Variants in CDH13 observed in about 807,000 individuals in gnomAD.
CDH13 encodes cadherin-13.
CDH13 carries 24 observed loss-of-function variants against 63.8 expected under a neutral mutation model. That is an observed-to-expected ratio of 0.38 (90% CI 0.27 to 0.53). The LOEUF (loss-of-function observed/expected upper bound fraction) is 0.53. Ranked by LOEUF, CDH13 falls within the 20% of genes least tolerant of loss-of-function variation. CDH13 has a pLI of 0.85. For missense variants in CDH13, 1,049 were observed against 903.1 expected, an observed-to-expected ratio of 1.16 and a Z score of -2.07; for synonymous variants, 503 against 355.3, an observed-to-expected ratio of 1.42 and a Z score of -4.67.
intron 7 of CDH13, among the ~76,000 whole-genome samples, chr16:83,569,172 C>T (rs8050595): frequency 0.23 from 34,970 of 152,044 alleles, 4,005 homozygotes; most frequent in Admixed American, 0.27. Context: ...TGCTCTTCCT[C>T]CAGCCTTTGC....
chr16:83,055,420 A>G (rs1051950417), intron 3 of CDH13, among the ~76,000 whole-genome samples: 2 of 151,946 alleles, frequency 1.3e-5, no homozygotes, highest in Non-Finnish European at 2.9e-5. Flanking sequence ...TAATTAAACA[A>G]ATGGAGACAG....
intron 1 of CDH13, among the ~76,000 whole-genome samples, chr16:82,652,014 T>A (rs1431663408): frequency 6.6e-6 from 1 of 152,240 alleles, no homozygotes; most frequent in African/African-American, 2.4e-5. Context: ...CCTACTAGTT[T>A]CACTTCTCAT....
At chr16:82,713,300 T>C (rs2032098015) in intron 1 of CDH13, among the ~76,000 whole-genome samples, 1 of 152,134 alleles carries the variant, frequency 6.6e-6, no homozygotes, top group Non-Finnish European at 1.5e-5. Flanking sequence ...CAGGCAATTC[T>C]ATACACACTG....
chr16:82,633,379 T>C (rs1022453977), intron 1 of CDH13, among the ~76,000 whole-genome samples: 8 of 152,230 alleles, frequency 5.3e-5, no homozygotes, highest in African/African-American at 1.9e-4. Context: ...TGCAGCTCTG[T>C]CACCTACTTT....
At chr16:83,357,819 A>T (rs574486889) in intron 6 of CDH13, among the ~76,000 whole-genome samples, 132 of 152,340 alleles carry the variant, frequency 8.7e-4, no homozygotes, top group African/African-American at 3.0e-3. Context: ...AATTGTAGGC[A>T]TTGGTTGGTA....
intron 7 of CDH13, among the ~76,000 whole-genome samples, chr16:83,528,666 C>G (rs1598226914): frequency 1.3e-5 from 2 of 152,220 alleles, no homozygotes; most frequent in East Asian, 3.8e-4. Flanking sequence ...CCAACTATCT[C>G]CATCTATCTC....
At chr16:82,746,184 G>GGT (rs1289748289) in intron 1 of CDH13, among the ~76,000 whole-genome samples, 3 of 114,780 alleles carry the variant, frequency 2.6e-5, no homozygotes, top group Admixed American at 8.1e-5. Flanking sequence ...TTATATGCAT[G>GGT]GTGTGTGTGT....
chr16:83,460,922 G>C (rs570353071), intron 6 of CDH13, among the ~76,000 whole-genome samples: 4 of 150,848 alleles, frequency 2.7e-5, no homozygotes, highest in Admixed American at 6.6e-5. Flanking sequence ...GGGCAGTCGA[G>C]GTTGCTGTGA....
chr16:83,746,495 C>G (rs998201365), intron 10 of CDH13, among the ~76,000 whole-genome samples: 1 of 152,056 alleles, frequency 6.6e-6, no homozygotes, highest in Admixed American at 6.5e-5. Flanking sequence ...AAGTAACATT[C>G]CCAAGTTCCA....
At chr16:83,180,620 T>C (rs919356974) in intron 4 of CDH13, among the ~76,000 whole-genome samples, 2 of 152,248 alleles carry the variant, frequency 1.3e-5, no homozygotes, top group African/African-American at 2.4e-5. Flanking sequence ...GTACATTTTA[T>C]GTGAAAACAT....
rs564484753 is a variant in CDH13, at chr16:82,803,421, G to A, written c.46-54941G>A. On this transcript the variant is annotated intron_variant, in intron 1 of 13. Coordinates refer to ENST00000567109, the MANE Select transcript of CDH13 (RefSeq NM_001257.5). ...CTTTCTTAGCATGCGAGGCTCAAAT[G>A]ACAATGATTATTTAGAATCTCTGAG... Among the ~76,000 whole-genome samples the A allele has an allele frequency of 5.9e-5, 9 of 152,284 alleles. No homozygotes were observed. The South Asian group carries it at 1.4e-3, about 25-fold the overall frequency.
chr16:83,194,370 C>T (rs1331295823), intron 4 of CDH13, among the ~76,000 whole-genome samples: 3 of 152,190 alleles, frequency 2.0e-5, no homozygotes, highest in African/African-American at 7.2e-5. Context: ...TGACTGACTA[C>T]ATAGAAAGAA....
chr16:82,985,558 T>A (rs1439501985), intron 2 of CDH13, among the ~76,000 whole-genome samples: 1 of 152,152 alleles, frequency 6.6e-6, no homozygotes, highest in Non-Finnish European at 1.5e-5. Flanking sequence ...GGTGCGTGGT[T>A]TTAGAGATCA....
At chr16:83,387,487 A>G (rs994824021) in intron 6 of CDH13, among the ~76,000 whole-genome samples, 1 of 152,324 alleles carries the variant, frequency 6.6e-6, no homozygotes, top group Non-Finnish European at 1.5e-5. Context: ...GAAATTATAC[A>G]CAGAGGATTG....
intron 6 of CDH13, among the ~76,000 whole-genome samples, chr16:83,434,812 C>G (rs548328367): frequency 7.5e-6 from 1 of 133,562 alleles, no homozygotes; most frequent in South Asian, 2.6e-4. Flanking sequence ...CAGCCTCATA[C>G]CTGGCATACC....
chr16:82,786,054 A>G (rs796295896), intron 1 of CDH13, among the ~76,000 whole-genome samples: 3 of 152,334 alleles, frequency 2.0e-5, no homozygotes, highest in East Asian at 1.9e-4. Flanking sequence ...GGCAGGAGTC[A>G]AGGCAGAGCA....
At chr16:83,053,382 A>G (rs12103074) in intron 3 of CDH13, among the ~76,000 whole-genome samples, 113,559 of 151,880 alleles carry the variant, frequency 0.75, 42,772 homozygotes, top group East Asian at 0.93. Context: ...TTTTCAGACA[A>G]CCTCTCTCCT....
intron 4 of CDH13, among the ~76,000 whole-genome samples, chr16:83,149,673 CT>C (rs2036891604): frequency 6.6e-6 from 1 of 152,162 alleles, no homozygotes; most frequent in Non-Finnish European, 1.5e-5. Context: ...TCTAAAAGCC[CT>C]ATCATCAGTA....
At chr16:83,621,605 G>A (rs1367799241) in intron 8 of CDH13, among the ~76,000 whole-genome samples, 1 of 144,158 alleles carries the variant, frequency 6.9e-6, no homozygotes, top group Non-Finnish European at 1.5e-5. Flanking sequence ...TCCTGCCTCA[G>A]CCTCCTGAGT....
Sources: allele counts gnomAD v4.1 joint callset (sites outside exome capture counted in the v4.1 genomes callset), GRCh38; gene constraint gnomAD v4.1.1; transcripts MANE v1.5; gene names NCBI Gene and HGNC (gene_info 2026-07-23, HGNC 2026-07-21).